The following RP1 variants were observed in gnomAD, a reference collection of about 807,000 sequenced individuals.
The protein encoded by RP1 is RP1 axonemal microtubule associated.
A neutral mutation model predicts 14.8 loss-of-function variants in RP1; 16 were observed. The observed-to-expected ratio is 1.08, with a 90% CI of 0.73 to 1.65. RP1 has a LOEUF of 1.65. Among genes scored for constraint, RP1 ranks in the 40% most tolerant of loss-of-function variants. The probability of loss-of-function intolerance (pLI) is 0.00; values close to 1 mark genes in which losing one functional copy is unlikely to be tolerated. For missense variants in RP1, 2,631 were observed against 2,535.0 expected (o/e 1.04, Z -0.81); for synonymous variants, 876 against 883.6 (o/e 0.99, Z 0.15).
intron 22 of RP1, among the ~76,000 whole-genome samples, chr8:54,768,757 C>G (rs1346857010): frequency 2.0e-5 from 3 of 152,168 alleles, no homozygotes; most frequent in Non-Finnish European, 1.5e-5. Context: ...TGAGTCCAAT[C>G]TTGACCTTTT....
chr8:54,705,330 A>G (rs1585622568), intron 14 of RP1, among the ~76,000 whole-genome samples: 2 of 152,220 alleles, frequency 1.3e-5, no homozygotes, highest in African/African-American at 4.8e-5. Context: ...CAAACATGGA[A>G]TGTGCACTGG....
intron 1 of RP1, among the ~76,000 whole-genome samples, chr8:54,589,025 G>A (rs1290266990): frequency 6.6e-6 from 1 of 152,136 alleles, no homozygotes; most frequent in African/African-American, 2.4e-5. Context: ...CCAGGTGTGT[G>A]TGTGTGTGAT....
intron 25 of RP1, among the ~76,000 whole-genome samples, chr8:54,852,265 T>G (rs962050925): frequency 6.6e-6 from 1 of 151,988 alleles, no homozygotes; most frequent in African/African-American, 2.4e-5. Flanking sequence ...GAGAGGAGAG[T>G]TTCTGTTTTT....
exon 29 of RP1, chr8:54,869,958 C>T (rs1812549890): frequency 2.7e-6 from 3 of 1,120,132 alleles, no homozygotes; most frequent in Non-Finnish European, 3.4e-6. Flanking sequence ...CCCACTTGGG[C>T]CTGTCGCTCC....
chr8:54,822,625 A>C (rs1490646424), intron 24 of RP1, among the ~76,000 whole-genome samples: 4 of 152,210 alleles, frequency 2.6e-5, no homozygotes, highest in Non-Finnish European at 5.9e-5. Flanking sequence ...AGGACAAAAA[A>C]CAAACTTGTT....
Position 54,621,121 on chromosome 8 carries a change from GGGTGGTGGTCA to G in RP1, c.156_166del (p.Val53ProfsTer5), listed in dbSNP as rs1468538713. The G allele has an allele frequency of 6.2e-7, 1 of 1,614,174 alleles. No individual in the cohort carries two copies. Among genetic ancestry groups the G allele is most frequent in the Admixed American group, 1.7e-5 (1 of 60,026 alleles). On this transcript the variant is annotated frameshift_variant, in exon 2 of 4. Transcript: ENST00000220676. LOFTEE classifies it high-confidence loss of function. ...GGAGACCCCCAATTCGGCGGGGTCA[GGGTGGTGGTCA>G]ACCCTCGCTCCTTTAAGTCCTTTGA...
At chr8:54,734,381 G>A (rs1808863104) in intron 17 of RP1, among the ~76,000 whole-genome samples, 1 of 152,116 alleles carries the variant, frequency 6.6e-6, no homozygotes, top group Admixed American at 6.5e-5. Context: ...TTGCTGTGAG[G>A]AGACAAGCGC....
At chr8:54,867,320 C>T (rs1399113599) in intron 28 of RP1, among the ~76,000 whole-genome samples, 2 of 152,158 alleles carry the variant, frequency 1.3e-5, no homozygotes, top group African/African-American at 2.4e-5. Flanking sequence ...TTTCTCAATG[C>T]ACTTCCATTT....
chr8:54,613,962 T>C (rs564425016), upstream of RP1, among the ~76,000 whole-genome samples: 240 of 152,300 alleles, frequency 1.6e-3, 1 homozygote, highest in African/African-American at 4.6e-3. Flanking sequence ...TAAAAGAAGA[T>C]AAACATGGCA....
At chr8:54,798,436 T>C (rs1355415927) in intron 24 of RP1, among the ~76,000 whole-genome samples, 2 of 152,200 alleles carry the variant, frequency 1.3e-5, no homozygotes, top group Non-Finnish European at 2.9e-5. Flanking sequence ...CAGGAATACA[T>C]TAAGGAAACA....
intron 19 of RP1, among the ~76,000 whole-genome samples, chr8:54,748,173 A>G (rs1365853373): frequency 6.6e-6 from 1 of 152,184 alleles, no homozygotes; most frequent in Non-Finnish European, 1.5e-5. Context: ...GAAATGCCTT[A>G]TTTTTTTGAA....
intron 15 of RP1, among the ~76,000 whole-genome samples, chr8:54,711,119 G>A (rs188511584): frequency 3.9e-5 from 6 of 152,228 alleles, no homozygotes; most frequent in East Asian, 3.9e-4. Context: ...ATAAGGTGAG[G>A]TGAGTGTAAT....
At chr8:54,870,964 T>G (rs964554311) in exon 29 of RP1, 2 of 152,078 alleles carry the variant, frequency 1.3e-5, no homozygotes, top group African/African-American at 4.8e-5. Context: ...CCTTCCCTGC[T>G]TGTTTTTAGT....
At chr8:54,855,417 G>A (rs887146895) in intron 26 of RP1, among the ~76,000 whole-genome samples, 7 of 152,170 alleles carry the variant, frequency 4.6e-5, no homozygotes, top group Non-Finnish European at 1.0e-4. Flanking sequence ...TGTGAATGAT[G>A]TCGCTATGAA....
chr8:54,684,816 G>A (rs914207380), intron 12 of RP1, among the ~76,000 whole-genome samples: 4 of 152,108 alleles, frequency 2.6e-5, no homozygotes, highest in African/African-American at 9.7e-5. Context: ...GCCATAAAAA[G>A]GAATGAGATC....
At chr8:54,583,425 C>T (rs1804844531) in intron 1 of RP1, among the ~76,000 whole-genome samples, 1 of 152,152 alleles carries the variant, frequency 6.6e-6, no homozygotes, top group African/African-American at 2.4e-5. Flanking sequence ...AGGATTTTTG[C>T]ATTGATGTTC....
intron 23 of RP1, among the ~76,000 whole-genome samples, chr8:54,779,043 CCCAAGT>C (rs540981453): frequency 6.3e-4 from 96 of 152,226 alleles, no homozygotes; most frequent in African/African-American, 2.3e-3. Flanking sequence ...ACTTTATCCC[CCCAAGT>C]CACCTGCAGT....
chr8:54,734,811 T>A lies in RP1; in HGVS notation c.2721+67T>A, dbSNP rs1808880479. 4 of 1,068,404 alleles carry A rather than the reference T, an allele frequency of 3.7e-6. No individual in the cohort carries two copies. In the Admixed American group the frequency reaches 9.1e-5, roughly 24 times the overall value. 66.2% of individuals were successfully genotyped at this position (1,068,404 alleles called of 1,614,324 possible). A position where few individuals can be genotyped will look rare whatever the true frequency, so the allele number is the denominator to read the frequency against. On this transcript the variant is annotated intron_variant, in intron 18 of 22. Transcript: ENST00000636932. The stretch of plus-strand genomic sequence containing the variant: ...AAGACATTTCTGTAATGTAGAAGTG[T>A]GTGTGTGTGTGTGTGTGTGTCTCCT...
At chr8:54,665,986 A>G (rs989940435) in intron 7 of RP1, among the ~76,000 whole-genome samples, 3 of 151,478 alleles carry the variant, frequency 2.0e-5, no homozygotes, top group African/African-American at 7.3e-5. Flanking sequence ...TGTTTAAAGC[A>G]TCTCTTCATT....
Sources: allele counts gnomAD v4.1 joint callset (sites outside exome capture counted in the v4.1 genomes callset), GRCh38; gene constraint gnomAD v4.1.1; transcripts MANE v1.5; gene names NCBI Gene and HGNC (gene_info 2026-07-23, HGNC 2026-07-21).